Variants in TRMT1 observed in about 807,000 individuals in gnomAD.
TRMT1 encodes the protein tRNA (guanine(26)-N(2))-dimethyltransferase.
A neutral mutation model predicts 75.4 loss-of-function variants in TRMT1; 63 were observed. The observed-to-expected ratio is 0.84, with a 90% CI of 0.68 to 1.03. The LOEUF is 1.03. TRMT1 is among the 50% of genes least tolerant of loss of function. The pLI, the probability that TRMT1 is intolerant of heterozygous loss-of-function variation, is 0.00. For synonymous variants in TRMT1, 382 were observed against 358.1 expected (o/e 1.07, Z -0.75); for missense variants, 870 against 905.3 (o/e 0.96, Z 0.50).
Position 13,105,406 on chromosome 19 carries a change from GGGA to G in TRMT1, c.1704-13_1704-11del, listed in dbSNP as rs1275746469. On this transcript the variant is annotated splice_polypyrimidine_tract_variant and intron_variant, in intron 15 of 16. Coordinates refer to ENST00000357720, the MANE Select transcript of TRMT1 (RefSeq NM_001136035.4). ...GTCGGCCGCCTTGCCCCTGTGCGAG[GGGA>G]GGAGTAGGTGGGACCCCATCTGCCC... 3 of 1,613,634 alleles carry G rather than the reference GGGA, an allele frequency of 1.9e-6. No homozygotes were observed. Among genetic ancestry groups the G allele is most frequent in the East Asian group, 2.2e-5 (1 of 44,886 alleles).
At chr19:13,107,943 T>A in intron 12 of TRMT1, 84 bp from the exon 13 acceptor site, 1 of 1,027,786 alleles carries the variant, frequency 9.7e-7, no homozygotes, top group Non-Finnish European at 1.5e-6. Context: ...AAGACTACCT[T>A]CGGCAAGGGC....
rs1418574939 is a variant in TRMT1 at position 13,105,055 on chromosome 19, G to A, written c.1860C>T (p.Cys620=). Residue 620 remains cysteine (C), a synonymous_variant, in exon 17 of 17, where the codon TGC becomes TGT. Transcript: ENST00000357720. ...KEGTCQRGDQ[C]CYSHSPPTPR... Reference sequence around the variant, plus strand: ...GTGTCGGGGGGCTGTGGGAGTAGCAGCACTGGTCCCCGCGTTGACAGGTGC... The same window carrying A: ...GTGTCGGGGGGCTGTGGGAGTAGCAACACTGGTCCCCGCGTTGACAGGTGC... 3 of 1,600,346 alleles carry A rather than the reference G, an allele frequency of 1.9e-6. No individual in the cohort carries two copies. Among genetic ancestry groups the A allele is most frequent in the South Asian group, 2.2e-5 (2 of 89,324 alleles).
rs2018828497 is a variant in TRMT1 at position 13,105,577 on chromosome 19, T to A, written c.1613A>T (p.Asp538Val). The A allele has an allele frequency of 1.9e-6, 3 of 1,613,710 alleles. No individual in the cohort carries two copies. The highest frequency in any genetic ancestry group is 8.5e-7 in the Non-Finnish European group (1 of 1,179,964). The change falls in exon 15 of 17, where the codon GAT becomes GTT. Residue 538 changes from aspartate (D) to valine (V), a missense_variant. Coordinates refer to ENST00000357720, the MANE Select transcript of TRMT1 (RefSeq NM_001136035.4). ...RLQANFTIRE[D>V]ANPSSRQRGL... is the part of the protein sequence containing the mutation. The stretch of plus-strand genomic sequence containing the variant: ...TCGCTGTCGGGAGCTGGGGTTGGCA[T>A]CTTCCCGGATGGTGAAGTTGGCCTG...
chr19:13,106,342 G>A (rs916732723), intron 14 of TRMT1, among the ~76,000 whole-genome samples: 4 of 152,136 alleles, frequency 2.6e-5, no homozygotes, highest in Non-Finnish European at 4.4e-5. Context: ...AAAGCACTGG[G>A]ATTATAGGAA....
chr19:13,111,343 C>T (rs2019131009), intron 7 of TRMT1, among the ~76,000 whole-genome samples: 1 of 151,638 alleles, frequency 6.6e-6, no homozygotes, highest in South Asian at 2.1e-4. Context: ...GCCACTCAGC[C>T]TTCTTGAATC....
chr19:13,110,795 A>T (rs2019110267), intron 7 of TRMT1, among the ~76,000 whole-genome samples: 1 of 152,016 alleles, frequency 6.6e-6, no homozygotes, highest in Non-Finnish European at 1.5e-5. Flanking sequence ...CTAAAAATAC[A>T]AAAAATTAGC....
At chr19:13,106,990 ATTTTTTT>A (rs1240292694) in intron 14 of TRMT1, among the ~76,000 whole-genome samples, 5 of 121,236 alleles carry the variant, frequency 4.1e-5, no homozygotes, top group African/African-American at 6.3e-5. Context: ...CGCCCGGCTA[ATTTTTTT>A]TTTTTTTTTT....
intron 1 of TRMT1, 46 bp downstream of exon 1, chr19:13,116,607 C>T (rs1272717337): frequency 1.9e-5 from 13 of 688,678 alleles, no homozygotes; most frequent in Non-Finnish European, 2.8e-5. Context: ...CGTGCAGGCC[C>T]GCCCCGAGTC....
intron 12 of TRMT1, 26 bp from the exon 13 acceptor site, chr19:13,107,885 G>A (rs1008384162): frequency 4.5e-6 from 7 of 1,547,516 alleles, no homozygotes; most frequent in Non-Finnish European, 6.1e-6. Context: ...GATTATGAGG[G>A]AGATGCCGGA....
chr19:13,105,700 G>A (rs2018836862), intron 14 of TRMT1, 94 bp from the exon 15 acceptor site: 4 of 1,232,362 alleles, frequency 3.2e-6, no homozygotes, highest in Non-Finnish European at 4.6e-6. Context: ...CCACAACACA[G>A]CACGAGGTGT....
chr19:13,115,140 C>G (rs1599958434), intron 5 of TRMT1, 139 bp downstream of exon 5: 1 of 902,830 alleles, frequency 1.1e-6, no homozygotes, highest in East Asian at 2.7e-5. Flanking sequence ...AACTAATTTT[C>G]TCAGTTGACA....
intron 14 of TRMT1, among the ~76,000 whole-genome samples, chr19:13,106,853 T>C (rs1391783128): frequency 1.4e-5 from 2 of 147,648 alleles, no homozygotes; most frequent in Non-Finnish European, 1.5e-5. Context: ...GACGGAGTCT[T>C]ACTCTGTCAC....
rs371306503 is a variant in TRMT1 at position 13,115,472 on chromosome 19, G to T, written c.454-6C>A. 9.9e-6 allele frequency: 16 copies of T among 1,610,296 alleles called. No homozygotes were observed. In the African/African-American group the frequency reaches 1.7e-4, roughly 17 times the overall value. On this transcript the variant is annotated splice_polypyrimidine_tract_variant and splice_region_variant and intron_variant, in intron 4 of 16. Transcript: ENST00000357720. Reference sequence around the variant, plus strand: ...TCCAGCACATGCAGGCCTTCCTGTTGGAGTAAGCAGAAAACCTCCCTCACA... The same window carrying T: ...TCCAGCACATGCAGGCCTTCCTGTTTGAGTAAGCAGAAAACCTCCCTCACA...
Position 13,110,273 on chromosome 19 carries a change from G to T in TRMT1, c.904C>A (p.Arg302Ser), listed in dbSNP as rs148038210. Reference sequence around the variant, plus strand: ...ACGAAGCGCTGGTAGCAGTTGGCGCGGAGGTCCAGGCTGTGCAGGACGATT... The same window carrying T: ...ACGAAGCGCTGGTAGCAGTTGGCGCTGAGGTCCAGGCTGTGCAGGACGATT... ...LRIVLHSLDL[R>S]ANCYQRFVVP... The change falls in exon 8 of 17, where the codon CGC becomes AGC. Residue 302 changes from arginine (R) to serine (S), a missense_variant. By Grantham distance (110) the Arg-to-Ser change is moderately radical. Coordinates refer to ENST00000357720, the MANE Select transcript of TRMT1 (RefSeq NM_001136035.4). The T allele has an allele frequency of 6.2e-7, 1 of 1,611,632 alleles. No individual in the cohort carries two copies. The highest frequency in any genetic ancestry group is 1.1e-5 in the South Asian group (1 of 90,864).
intron 12 of TRMT1, 54 bp from the exon 13 acceptor site, chr19:13,107,913 C>T: frequency 1.4e-6 from 2 of 1,462,392 alleles, no homozygotes; most frequent in South Asian, 1.2e-5. Context: ...ACCCCAAAGC[C>T]CAAGCTGACC....
In TRMT1 at chr19:13,105,297, G is replaced by T; in HGVS notation, c.1803C>A (p.Leu601=). ...PEDVAQRAAR[L]KTFPCKRFKE... ...TAAACCTCTTGCAAGGAAATGTCTT[G>T]AGCCGGGCAGCCCGCTGGGCCACAT... Residue 601 remains leucine, a synonymous_variant, in exon 16 of 17, where the codon CTC becomes CTA. Transcript: ENST00000357720. The T allele has an allele frequency of 6.2e-7, 1 of 1,613,988 alleles. No individual in the cohort carries two copies.
At position 13,116,680 on chromosome 19, in the gene TRMT1, T is replaced by G; in HGVS notation, c.-60A>C. The stretch of plus-strand genomic sequence containing the variant: ...GCTCTCGTAGCCACAGAAAACCGAA[T>G]TAGTCAAGGTGCACGTTTCCCGAAT... On this transcript the variant is annotated 5_prime_UTR_variant, in exon 1 of 17. Transcript: ENST00000357720. 2.2e-6 allele frequency: 1 copy of G among 462,666 alleles called. No individual in the cohort carries two copies. The highest frequency in any genetic ancestry group is 3.9e-6 in the Non-Finnish European group (1 of 258,606). The allele number at this position is 462,666 out of a possible 1,614,324, so 28.7% of individuals were successfully genotyped here.
rs149452605 is a variant in TRMT1, at chr19:13,110,617, G to A, written c.871-311C>T. ...CATGTGGCATGTACTGAGGACCCAC[G>A]TTCCAGCCCCCAAGGGCTCTGTGGG... On this transcript the variant is annotated intron_variant, in intron 7 of 16. Transcript: ENST00000357720. Among the ~76,000 whole-genome samples, 9 of 152,320 alleles carry A rather than the reference G, an allele frequency of 5.9e-5. No individual in the cohort carries two copies. The East Asian group carries it at 1.6e-3, about 26-fold the overall frequency.
At position 13,110,313 on chromosome 19, in the gene TRMT1, G is replaced by T. The variant is rs745672499; in HGVS notation, c.871-7C>A. On this transcript the variant is annotated splice_polypyrimidine_tract_variant and splice_region_variant and intron_variant, in intron 7 of 16. Coordinates refer to ENST00000357720, the MANE Select transcript of TRMT1 (RefSeq NM_001136035.4). Reference sequence around the variant, plus strand: ...GCAGGACGATTCTCAGGGCCTGGGGGTGGGGGGTGGGTGTCAGCCTCCCCT... The same window carrying T: ...GCAGGACGATTCTCAGGGCCTGGGGTTGGGGGGTGGGTGTCAGCCTCCCCT... 3.7e-6 allele frequency: 3 copies of T among 807,228 alleles called. No individual in the cohort carries two copies. The highest frequency in any genetic ancestry group is 2.1e-5 in the Admixed American group (1 of 47,756). The allele number at this position is 807,228 out of a possible 1,614,324, so 50.0% of individuals were successfully genotyped here. A position where few individuals can be genotyped will look rare whatever the true frequency, so the allele number is the denominator to read the frequency against.
Sources: allele counts gnomAD v4.1 joint callset (sites outside exome capture counted in the v4.1 genomes callset), GRCh38; gene constraint gnomAD v4.1.1; transcripts MANE v1.5; gene names NCBI Gene and HGNC (gene_info 2026-07-23, HGNC 2026-07-21).